PLEC: variants seen among roughly 807,000 people sequenced by gnomAD.
PLEC encodes the protein plectin, also known as hemidesmosomal protein 1.
PLEC carries 216 observed loss-of-function variants against 392.8 expected under a neutral mutation model. The ratio of observed to expected loss-of-function variants is 0.55; its 90% confidence interval spans 0.49 to 0.62. PLEC has a LOEUF of 0.62. Ranked by LOEUF, PLEC falls within the 20% of genes least tolerant of loss-of-function variation. PLEC has a pLI of 0.00. For missense variants in PLEC, 6,863 were observed against 6,563.4 expected, an observed-to-expected ratio of 1.05 and a Z score of -1.58; for synonymous variants, 3,621 against 2,980.6, an observed-to-expected ratio of 1.21 and a Z score of -7.00.
At chr8:143,934,120 C>A (rs563926955) in intron 11 of PLEC, 29 bp from the exon 12 acceptor site, 4 of 1,606,454 alleles carry the variant, frequency 2.5e-6, no homozygotes, top group Admixed American at 1.7e-5. Context: ...GAAGGGGCCG[C>A]GTTGGCCGGG....
rs782791508 is a variant in PLEC at position 143,926,869 on chromosome 8, C to T, written c.3959G>A (p.Arg1320His). ...TGTGGTCAGCTCGCTGTAGTGCGTA[C>T]GCAGGTCCACGTACTGTGGAGTAGA... is the stretch of plus-strand genomic sequence containing the variant. ...ESVIQEYVDL[R>H]THYSELTTLT... Residue 1320 changes from arginine to histidine, a missense_variant, in exon 30 of 32, where the codon CGT becomes CAT. By Grantham distance (29) the Arg-to-His change is conservative. Transcript: ENST00000345136. The T allele has an allele frequency of 4.3e-6, 7 of 1,613,020 alleles. No homozygotes were observed. The highest frequency in any genetic ancestry group is 2.2e-5 in the East Asian group (1 of 44,900).
upstream of PLEC, chr8:143,944,085 C>T (rs1406942654): frequency 1.6e-5 from 12 of 748,366 alleles, no homozygotes; most frequent in Middle Eastern, 3.9e-4. Flanking sequence ...CTCCTCCCTC[C>T]GCGGGTCCGG....
intron 1 of PLEC, chr8:143,944,755 G>A (rs533100516): frequency 9.3e-5 from 117 of 1,256,088 alleles, no homozygotes; most frequent in Non-Finnish European, 1.1e-4. Context: ...AGCCACTGGC[G>A]GCAGCGTCGG....
rs1554682196 is a variant in PLEC, at chr8:143,920,560, C to T, written c.9261G>A (p.Val3087=). The change falls in exon 32 of 32, where the codon GTG becomes GTA. Residue 3087 remains valine, a synonymous_variant. Coordinates refer to ENST00000345136, the MANE Select transcript of PLEC (RefSeq NM_201384.3). ...GCAGCTTCTCATGAAACTCGGGGCC[C>T]ACCAGGCCAGCACGCACTGCCTCGT... is the stretch of plus-strand genomic sequence containing the variant. The part of the protein sequence containing the change: ...TVDEAVRAGL[V]GPEFHEKLLS... The T allele has an allele frequency of 3.1e-6, 5 of 1,611,410 alleles. No homozygotes were observed. The highest frequency in any genetic ancestry group is 4.2e-6 in the Non-Finnish European group (5 of 1,179,760).
Position 143,918,313 on chromosome 8 carries a change from C to T in PLEC, c.11508G>A (p.Gln3836=), listed in dbSNP as rs1554674785. 1.3e-6 allele frequency: 2 copies of T among 1,590,244 alleles called. No homozygotes were observed. The highest frequency in any genetic ancestry group is 2.2e-5 in the East Asian group (1 of 44,496). ...TGCGCACCTCGCTGGGCTCTGACAG[C>T]TGGTCGTGCGTGTCCTTGTTGAGGT... ...RGYLNKDTHD[Q]LSEPSEVRSY... Residue 3836 remains glutamine, a synonymous_variant, in exon 32 of 32, where the codon CAG becomes CAA. Coordinates refer to ENST00000345136, the MANE Select transcript of PLEC (RefSeq NM_201384.3).
In PLEC at chr8:143,920,923, C is replaced by A. The variant is rs1460695341; in HGVS notation, c.8898G>T (p.Gln2966His). ...CAAAGCAAAGCCGGCCCTTCTGCTC[C>A]TGCTCCTCCACCACCGTGATGATGA... is the stretch of plus-strand genomic sequence containing the variant. The part of the protein sequence containing the change: ...IKIIITVVEE[Q>H]EQKGRLCFEG... Residue 2966 changes from glutamine to histidine, a missense_variant, in exon 32 of 32, where the codon CAG becomes CAT. Transcript: ENST00000345136. 3.1e-6 allele frequency: 5 copies of A among 1,612,636 alleles called. No individual in the cohort carries two copies. The highest frequency in any genetic ancestry group is 4.2e-6 in the Non-Finnish European group (5 of 1,180,050).
rs782179880 is a variant in PLEC at position 143,925,712 on chromosome 8, T to G, written c.4217A>C (p.Glu1406Ala). The G allele has an allele frequency of 3.1e-6, 5 of 1,592,066 alleles. No individual in the cohort carries two copies. Among genetic ancestry groups the G allele is most frequent in the African/African-American group, 1.3e-5 (1 of 74,640 alleles). The change falls in exon 31 of 32, where the codon GAG (glutamate) becomes GCG (alanine). Residue 1406 changes from glutamate (E) to alanine (A), a missense_variant. Physicochemically the swap from Glu to Ala is moderately radical, Grantham distance 107. Coordinates refer to ENST00000345136, the MANE Select transcript of PLEC (RefSeq NM_201384.3). ...RMQEEVVRRE[E>A]AAVDAQQQKR... ...CTGCTGCTGCGCGTCCACCGCCGCC[T>G]CCTCCCGCCGCACCACCTCCTCCTG...
chr8:143,951,781 A>G (rs1324227657), upstream of PLEC, among the ~76,000 whole-genome samples: 2 of 152,306 alleles, frequency 1.3e-5, no homozygotes, highest in East Asian at 3.9e-4. Context: ...ATGCCAGGCC[A>G]GAAGACGGCC....
intron 8 of PLEC, 24 bp downstream of exon 8, chr8:143,934,987 C>G: frequency 6.2e-7 from 1 of 1,611,622 alleles, no homozygotes; most frequent in Non-Finnish European, 8.5e-7. Flanking sequence ...CCCAAGCCCC[C>G]TGCCCTCCGG....
At chr8:143,968,988 G>A (rs888420430) in intron 1 of PLEC, among the ~76,000 whole-genome samples, 1 of 152,150 alleles carries the variant, frequency 6.6e-6, no homozygotes. Flanking sequence ...CCACACAGCT[G>A]AGCAATTCCA....
chr8:143,933,281 GC>G lies in PLEC; in HGVS notation c.1333del (p.Ala445ArgfsTer4). 6.2e-7 allele frequency: 1 copy of G among 1,613,094 alleles called. No individual in the cohort carries two copies. Among genetic ancestry groups the G allele is most frequent in the Non-Finnish European group, 8.5e-7 (1 of 1,179,950 alleles). On this transcript the variant is annotated frameshift_variant, in exon 13 of 32. Coordinates refer to ENST00000345136, the MANE Select transcript of PLEC (RefSeq NM_201384.3). LOFTEE classifies it high-confidence loss of function. ...AGEVERDLDKADSMIRLLFND... is the reference protein window; with the variant it reads ...AGEVERDLDKXDSMIRLLFND... ...GAAGAGCAGCCGGATCATGCTATCC[GC>G]CTTGTCCAAGTCCCGTTCCACCTCC... is the stretch of plus-strand genomic sequence containing the variant.
chr8:143,923,380 C>T lies in PLEC; in HGVS notation c.6549G>A (p.Gln2183=), dbSNP rs2131322149. Residue 2183 remains glutamine (Q), a synonymous_variant, in exon 31 of 32, where the codon CAG becomes CAA. Coordinates refer to ENST00000345136, the MANE Select transcript of PLEC (RefSeq NM_201384.3). ...GCAGTGTTGTCAGCTCCTGCTCCACCTGCGCCTTCTGCCGCAGCGTCTGCT... is the reference window on the plus strand; with the variant it reads ...GCAGTGTTGTCAGCTCCTGCTCCACTTGCGCCTTCTGCCGCAGCGTCTGCT... ...FAEQTLRQKA[Q]VEQELTTLRL... 1.2e-6 allele frequency: 2 copies of T among 1,610,458 alleles called. No individual in the cohort carries two copies. The highest frequency in any genetic ancestry group is 1.7e-6 in the Non-Finnish European group (2 of 1,179,468).
At chr8:143,930,721 T>C (rs1416085724) in intron 19 of PLEC, among the ~76,000 whole-genome samples, 185 bp from the exon 20 acceptor site, 1 of 152,004 alleles carries the variant, frequency 6.6e-6, no homozygotes, top group Non-Finnish European at 1.5e-5. Flanking sequence ...CCATGCACCC[T>C]CGCTCCTTCC....
rs989506344 is a variant in PLEC, at chr8:143,960,352, T to C, written c.70+13051A>G. ...AAAAACTTAGGCCAAGCCCAGTGGC[T>C]CATGCCTGTAATTCAGCACTTTGGG... On this transcript the variant is annotated intron_variant, in intron 1 of 31. Transcript: ENST00000356346. 1.2e-4 allele frequency among the ~76,000 whole-genome samples: 18 copies of C among 151,866 alleles called. No individual in the cohort carries two copies. The East Asian group carries it at 3.3e-3, about 28-fold the overall frequency.
Position 143,916,107 on chromosome 8 carries a change from G to T in PLEC, c.*70C>A. ...TGGGAGGAAGACACCTTTAAGCGTT[G>T]AAAACGGCCCCCGCGCCTCGGTGGG... On this transcript the variant is annotated 3_prime_UTR_variant, in exon 32 of 32. Transcript: ENST00000345136. 1 of 1,208,226 alleles carries T rather than the reference G, an allele frequency of 8.3e-7. No homozygotes were observed. 74.8% of individuals were successfully genotyped at this position (1,208,226 alleles called of 1,614,324 possible).
At chr8:143,967,663 C>T (rs1441771746) in intron 1 of PLEC, among the ~76,000 whole-genome samples, 4 of 152,146 alleles carry the variant, frequency 2.6e-5, no homozygotes, top group African/African-American at 7.2e-5. Context: ...GCAGCTCACA[C>T]CTGTAATCCC....
upstream of PLEC, chr8:143,943,894 C>T (rs372221919): frequency 1.9e-5 from 30 of 1,610,708 alleles, no homozygotes; most frequent in Admixed American, 3.3e-5. Context: ...GCTCCATAGC[C>T]GCCACGCGGA....
upstream of PLEC, chr8:143,976,572 A>G (rs1833670628): frequency 6.6e-6 from 1 of 152,048 alleles, no homozygotes; most frequent in Non-Finnish European, 1.5e-5. Context: ...TGTCCTCTCG[A>G]GCGAGGGCAG....
In PLEC at chr8:143,932,689, C is replaced by T. The variant is rs781915378; in HGVS notation, c.1761G>A (p.Arg587=). 6.2e-6 allele frequency: 10 copies of T among 1,608,758 alleles called. No homozygotes were observed. Among genetic ancestry groups the T allele is most frequent in the Non-Finnish European group, 8.5e-6 (10 of 1,178,240 alleles). ...GACCCAGGCAGTCACGGTAGGCACC[C>T]CGGGTGGCGGGGGAGAGCTGGCCCT... is the stretch of plus-strand genomic sequence containing the variant. The part of the protein sequence containing the change: ...SDEGQLSPAT[R]GAYRDCLGRL... Residue 587 remains arginine (R), a synonymous_variant, in exon 15 of 32, where the codon CGG becomes CGA. Coordinates refer to ENST00000345136, the MANE Select transcript of PLEC (RefSeq NM_201384.3).
Sources: allele counts gnomAD v4.1 joint callset (sites outside exome capture counted in the v4.1 genomes callset), GRCh38; gene constraint gnomAD v4.1.1; transcripts MANE v1.5; gene names NCBI Gene and HGNC (gene_info 2026-07-23, HGNC 2026-07-21).